Variants in JCAD observed in about 807,000 individuals in gnomAD.
The protein encoded by JCAD is junctional cadherin 5-associated protein.
Under a neutral mutation model 98.0 loss-of-function variants are expected in JCAD, and 40 were observed. The ratio of observed to expected loss-of-function variants is 0.41; its 90% CI spans 0.32 to 0.53. The LOEUF (loss-of-function observed/expected upper bound fraction) is 0.53, where lower values mean the gene tolerates loss of function less well. Ranked by LOEUF, JCAD falls within the 20% of genes least tolerant of loss-of-function variation. The pLI is 0.31. For synonymous variants in JCAD, 691 were observed against 682.3 expected (o/e 1.01, Z -0.20); for missense variants, 1,705 against 1,738.1 (o/e 0.98, Z 0.34).
intron 2 of JCAD, among the ~76,000 whole-genome samples, chr10:30,038,885 C>T (rs556585917): frequency 8.5e-4 from 129 of 152,148 alleles, no homozygotes; most frequent in African/African-American, 2.9e-3. Flanking sequence ...CCGCCAGCTG[C>T]GTGTACTAAT....
At chr10:30,034,222 C>CAATAAT (rs71023540) in intron 2 of JCAD, among the ~76,000 whole-genome samples, 10,616 of 149,252 alleles carry the variant, frequency 0.071, 527 homozygotes, top group African/African-American at 0.14. Context: ...GACTCCATCT[C>CAATAAT]AATAATAATA....
At chr10:30,055,682 AAGT>A (rs1837556816) in intron 1 of JCAD, among the ~76,000 whole-genome samples, 1 of 152,228 alleles carries the variant, frequency 6.6e-6, no homozygotes, top group African/African-American at 2.4e-5. Flanking sequence ...TTAATCTGTG[AAGT>A]AATCATTTTA....
chr10:30,078,206 A>G (rs1465445680), intron 1 of JCAD, among the ~76,000 whole-genome samples: 1 of 152,232 alleles, frequency 6.6e-6, no homozygotes, highest in Non-Finnish European at 1.5e-5. Flanking sequence ...CTGAAATTCC[A>G]GTAGTTTCTC....
chr10:30,015,481 T>C lies in JCAD; in HGVS notation c.*2402A>G, dbSNP rs1362239726. ...ACCTTCCCCCCAAAAAAGATTTACA[T>C]GTAGGCTTAAATTTAGAACAGTTAA... On this transcript the variant is annotated 3_prime_UTR_variant, in exon 4 of 4. Transcript: ENST00000375377. 6.6e-6 allele frequency: 1 copy of C among 152,350 alleles called. No individual in the cohort carries two copies. Among genetic ancestry groups the C allele is most frequent in the East Asian group, 1.9e-4 (1 of 5,192 alleles). The allele number at this position is 152,350 out of a possible 1,614,324, so 9.4% of individuals were successfully genotyped here. A position where few individuals can be genotyped will look rare whatever the true frequency, so the allele number is the denominator to read the frequency against.
chr10:30,067,251 T>C (rs1439349469), intron 2 of JCAD, among the ~76,000 whole-genome samples: 1 of 151,762 alleles, frequency 6.6e-6, no homozygotes, highest in Non-Finnish European at 1.5e-5. Context: ...GAGAGAATGG[T>C]GTATCAGGCT....
chr10:30,017,178 TACTG>T lies in JCAD; in HGVS notation c.*701_*704del, dbSNP rs1301619395. On this transcript the variant is annotated 3_prime_UTR_variant, in exon 4 of 4. Transcript: ENST00000375377. ...CCATACAGAAAATAAAAATAGATAA[TACTG>T]AGTGCAAAGCAGACAATGGCGTGTT... The T allele has an allele frequency of 6.6e-6, 1 of 152,134 alleles. No homozygotes were observed. Among genetic ancestry groups the T allele is most frequent in the Non-Finnish European group, 1.5e-5 (1 of 68,016 alleles). 9.4% of individuals were successfully genotyped at this position (152,134 alleles called of 1,614,324 possible). A position where few individuals can be genotyped will look rare whatever the true frequency, so the allele number is the denominator to read the frequency against.
At chr10:30,044,525 C>G (rs906859963) in intron 2 of JCAD, among the ~76,000 whole-genome samples, 6 of 152,136 alleles carry the variant, frequency 3.9e-5, no homozygotes, top group Admixed American at 3.9e-4. Context: ...CCAGGTACCC[C>G]CTAGACCGGG....
chr10:30,113,548 CAAA>C (rs71023545), intron 1 of JCAD, among the ~76,000 whole-genome samples: 34 of 15,948 alleles, frequency 2.1e-3, no homozygotes, highest in African/African-American at 6.1e-3. Flanking sequence ...GAGACACTGT[CAAA>C]AAAAAAAAAA....
Position 30,029,116 on chromosome 10 carries a change from G to A in JCAD, c.1032C>T (p.Pro344=), listed in dbSNP as rs1244025478. The A allele has an allele frequency of 3.1e-6, 5 of 1,614,076 alleles. No individual in the cohort carries two copies. The East Asian group carries it at 1.1e-4, about 36-fold the overall frequency. The change falls in exon 3 of 4, where the codon CCC becomes CCT. Residue 344 remains proline, a synonymous_variant. Coordinates refer to ENST00000375377, the MANE Select transcript of JCAD (RefSeq NM_020848.4). ...GLEPPVYVPP[P]SYRSPPQNIP... ...TGTTCTGCGGGGGCGATCTGTATGAGGGCGGAGGCACGTACACTGGAGGTT... is the reference window on the plus strand; with the variant it reads ...TGTTCTGCGGGGGCGATCTGTATGAAGGCGGAGGCACGTACACTGGAGGTT...
At chr10:30,111,716 C>T (rs1295056797) in intron 1 of JCAD, among the ~76,000 whole-genome samples, 2 of 152,132 alleles carry the variant, frequency 1.3e-5, no homozygotes, top group Admixed American at 6.6e-5. Context: ...AAAGAGGCTC[C>T]GTGTCATTAG....
chr10:30,073,789 C>A (rs954423810), intron 1 of JCAD, among the ~76,000 whole-genome samples: 1 of 151,634 alleles, frequency 6.6e-6, no homozygotes, highest in Non-Finnish European at 1.5e-5. Context: ...ATCGTATGTG[C>A]CTTTTCAGGT....
rs1248555945 is a variant in JCAD, at chr10:30,027,122, A to G, written c.3026T>C (p.Phe1009Ser). 1 of 1,614,062 alleles carries G rather than the reference A, an allele frequency of 6.2e-7. No individual in the cohort carries two copies. The highest frequency in any genetic ancestry group is 8.5e-7 in the Non-Finnish European group (1 of 1,180,014). ...PQESPKITSA[F>S]SSVKPSEAVP... is the part of the protein sequence containing the mutation. Reference sequence around the variant, plus strand: ...CGCTTCACTTGGTTTCACAGAGCTGAAAGCACTGGTGATTTTCGGACTTTC... The same window carrying G: ...CGCTTCACTTGGTTTCACAGAGCTGGAAGCACTGGTGATTTTCGGACTTTC... The change falls in exon 3 of 4, where the codon TTC becomes TCC. Residue 1009 changes from phenylalanine (F) to serine (S), a missense_variant. Phe to Ser is a radical substitution (Grantham distance 155). Around this residue, in one of 3 missense-constraint regions of JCAD, gnomAD observed 1,278 missense variants for 1,243.1 expected, o/e 1.03. Coordinates refer to ENST00000375377, the MANE Select transcript of JCAD (RefSeq NM_020848.4).
At chr10:30,064,834 G>A (rs995237648) in intron 2 of JCAD, among the ~76,000 whole-genome samples, 1 of 152,148 alleles carries the variant, frequency 6.6e-6, no homozygotes, top group African/African-American at 2.4e-5. Flanking sequence ...ACCACGCCTG[G>A]TTAATTTTTG....
chr10:30,113,803 C>T (rs1838747043), intron 1 of JCAD, among the ~76,000 whole-genome samples: 1 of 152,138 alleles, frequency 6.6e-6, no homozygotes, highest in African/African-American at 2.4e-5. Context: ...CACTGCTCCT[C>T]CTGGCCATTT....
chr10:30,082,088 T>G (rs1838096511), intron 1 of JCAD, among the ~76,000 whole-genome samples: 1 of 152,204 alleles, frequency 6.6e-6, no homozygotes, highest in Non-Finnish European at 1.5e-5. Flanking sequence ...GCTTTTACCT[T>G]TTTCTTTGAA....
At chr10:30,099,014 G>A (rs1208792917) in intron 1 of JCAD, among the ~76,000 whole-genome samples, 1 of 152,128 alleles carries the variant, frequency 6.6e-6, no homozygotes, top group Non-Finnish European at 1.5e-5. Context: ...TTACTTAGGT[G>A]TCTATTACTT....
In JCAD at chr10:30,015,437, A is replaced by C. The variant is rs1836513763; in HGVS notation, c.*2446T>G. The C allele has an allele frequency of 1.3e-5, 2 of 152,078 alleles. No homozygotes were observed. Among genetic ancestry groups the C allele is most frequent in the Admixed American group, 1.3e-4 (2 of 15,274 alleles). 9.4% of individuals were successfully genotyped at this position (152,078 alleles called of 1,614,324 possible). A position where few individuals can be genotyped will look rare whatever the true frequency, so the allele number is the denominator to read the frequency against. ...ATGAAAGTTTAAAGGTCAAATTTTC[A>C]AGTTAAACTTTTCAAGTTACCTTCC... On this transcript the variant is annotated 3_prime_UTR_variant, in exon 4 of 4. Transcript: ENST00000375377.
intron 1 of JCAD, among the ~76,000 whole-genome samples, chr10:30,088,048 C>T (rs1275018719): frequency 6.6e-6 from 1 of 152,206 alleles, no homozygotes; most frequent in African/African-American, 2.4e-5. Flanking sequence ...ACTGTGTTGG[C>T]TAGAATGGTC....
chr10:30,053,223 G>C (rs1432016427), intron 1 of JCAD, among the ~76,000 whole-genome samples: 1 of 151,962 alleles, frequency 6.6e-6, no homozygotes, highest in South Asian at 2.1e-4. Flanking sequence ...GGTGGGGGGT[G>C]GGGGGTGCAG....
Sources: allele counts gnomAD v4.1 joint callset (sites outside exome capture counted in the v4.1 genomes callset), GRCh38; gene constraint gnomAD v4.1.1; regional missense constraint gnomAD v4.1.1; transcripts MANE v1.5; gene names NCBI Gene and HGNC (gene_info 2026-07-23, HGNC 2026-07-21).